ZCCHC4: variants seen among roughly 807,000 people sequenced by gnomAD.
ZCCHC4 encodes rRNA N(6)-adenosine-methyltransferase ZCCHC4.
ZCCHC4 carries 54 observed loss-of-function variants against 67.7 expected under a neutral mutation model. That is an observed-to-expected ratio of 0.80 (90% CI 0.64 to 1.00). ZCCHC4 has a LOEUF of 1.00. Among genes scored for constraint, ZCCHC4 ranks in the 50% least tolerant of loss-of-function variants. The pLI, the probability that ZCCHC4 is intolerant of heterozygous loss-of-function variation, is 0.00. For missense variants in ZCCHC4, 609 were observed against 617.0 expected (o/e 0.99, Z 0.14); for synonymous variants, 198 against 213.5 (o/e 0.93, Z 0.63).
chr4:25,323,362 G>A (rs1718682129), intron 3 of ZCCHC4, among the ~76,000 whole-genome samples: 1 of 151,612 alleles, frequency 6.6e-6, no homozygotes, highest in Non-Finnish European at 1.5e-5. Flanking sequence ...ATTTGGTACT[G>A]CAGCAACTTC....
chr4:25,369,362 G>T lies in ZCCHC4; in HGVS notation c.*198G>T. The T allele has an allele frequency of 3.4e-6, 2 of 594,052 alleles. No homozygotes were observed. The highest frequency in any genetic ancestry group is 5.7e-6 in the Non-Finnish European group (2 of 352,090). The allele number at this position is 594,052 out of a possible 1,614,324, so 36.8% of individuals were successfully genotyped here. On this transcript the variant is annotated 3_prime_UTR_variant, in exon 13 of 13. Transcript: ENST00000302874. The stretch of plus-strand genomic sequence containing the variant: ...GACATGGGGAGTTGTTCCATCTTCA[G>T]CCAGTTTACTAGTTCTTTCAGCATT...
At chr4:25,360,579 G>A (rs1288045494) in intron 8 of ZCCHC4, among the ~76,000 whole-genome samples, 1 of 152,212 alleles carries the variant, frequency 6.6e-6, no homozygotes, top group Non-Finnish European at 1.5e-5. Flanking sequence ...TGTGTTCATG[G>A]ATAACAATCC....
Position 25,362,242 on chromosome 4 carries a change from C to T in ZCCHC4, c.1150C>T (p.Gln384Ter), listed in dbSNP as rs1484713956. The change falls in exon 10 of 13, where the codon CAA (glutamine) becomes TAA (stop). Residue 384 changes from glutamine to a stop codon, truncating the protein, a stop_gained. Coordinates refer to ENST00000302874, the MANE Select transcript of ZCCHC4 (RefSeq NM_024936.3). LOFTEE classifies it high-confidence loss of function. ...EEGYRFCSPC[Q>*]RYVSLENQHC... ...TTACTCTAGATTTTGCTCTCCGTGT[C>T]AACGGTATGTTTCTCTAGAGAATCA... 8.7e-6 allele frequency: 14 copies of T among 1,611,206 alleles called. No individual in the cohort carries two copies. In the African/African-American group the frequency reaches 1.2e-4, roughly 14 times the overall value.
chr4:25,313,384 AG>A (rs1317789669), intron 1 of ZCCHC4, among the ~76,000 whole-genome samples: 3 of 152,212 alleles, frequency 2.0e-5, no homozygotes, highest in Non-Finnish European at 4.4e-5. Flanking sequence ...TTTCACTGCA[AG>A]GGTAACCGCG....
At chr4:25,362,924 C>A (rs879345555) in intron 10 of ZCCHC4, among the ~76,000 whole-genome samples, 1 of 152,066 alleles carries the variant, frequency 6.6e-6, no homozygotes, top group Admixed American at 6.5e-5. Context: ...CCCTATGTCC[C>A]CTGCCCCGAC....
At position 25,333,221 on chromosome 4, in the gene ZCCHC4, A is replaced by G. The variant is rs747374677; in HGVS notation, c.368A>G (p.Lys123Arg). The change falls in exon 4 of 13, where the codon AAG becomes AGG. Residue 123 changes from lysine (K) to arginine (R), a missense_variant. Transcript: ENST00000302874. ...ATTGAGTTGCCCTTGACTCAGAGAA[A>G]GTTTTGTCAAACATGTCAGCAGTTG... The part of the protein sequence containing the change: ...KFIELPLTQR[K>R]FCQTCQQLLL... 105 of 1,614,014 alleles carry G rather than the reference A, an allele frequency of 6.5e-5. No homozygotes were observed. Among genetic ancestry groups the G allele is most frequent in the Non-Finnish European group, 8.3e-5 (98 of 1,179,998 alleles).
chr4:25,322,884 T>C (rs1458671254), intron 3 of ZCCHC4, among the ~76,000 whole-genome samples: 1 of 152,138 alleles, frequency 6.6e-6, no homozygotes, highest in Non-Finnish European at 1.5e-5. Context: ...AAAAAATCTA[T>C]ATATGGTAGT....
intron 8 of ZCCHC4, among the ~76,000 whole-genome samples, chr4:25,354,718 G>A (rs1267640131): frequency 2.0e-5 from 3 of 151,402 alleles, no homozygotes; most frequent in Non-Finnish European, 4.4e-5. Flanking sequence ...GGCTGGTCTC[G>A]AACTCCTGGG....
At chr4:25,335,399 G>A (rs1209634647) in intron 5 of ZCCHC4, among the ~76,000 whole-genome samples, 1 of 152,146 alleles carries the variant, frequency 6.6e-6, no homozygotes, top group African/African-American at 2.4e-5. Flanking sequence ...AGTGAGCTGA[G>A]TTCACGTAAC....
At chr4:25,345,427 T>A (rs1248064865) in intron 5 of ZCCHC4, 121 bp from the exon 6 acceptor site, 8 of 669,184 alleles carry the variant, frequency 1.2e-5, no homozygotes, top group East Asian at 2.9e-5. Flanking sequence ...AATTATTCTT[T>A]ATTTCAAAAA....
intron 12 of ZCCHC4, chr4:25,366,416 T>C (rs1037485794): frequency 3.3e-5 from 12 of 367,636 alleles, no homozygotes; most frequent in East Asian, 1.7e-4. Context: ...CCCGGGTTCA[T>C]GCCATTCTCC....
intron 2 of ZCCHC4, 108 bp downstream of exon 2, chr4:25,314,272 CT>C: frequency 1.5e-6 from 1 of 687,012 alleles, no homozygotes; most frequent in Non-Finnish European, 2.5e-6. Flanking sequence ...CAAGATAAAT[CT>C]CTTAAGAGAG....
Position 25,364,434 on chromosome 4 carries a change from A to T in ZCCHC4, c.1210-20A>T. On this transcript the variant is annotated intron_variant, in intron 10 of 12. Coordinates refer to ENST00000302874, the MANE Select transcript of ZCCHC4 (RefSeq NM_024936.3). ...ATAACAAATTAATTATAATTTAAAA[A>T]TTGTTTTTTTTTTTGGTAGGATGGC... is the stretch of plus-strand genomic sequence containing the variant. The T allele has an allele frequency of 6.8e-7, 1 of 1,479,544 alleles. No individual in the cohort carries two copies. The highest frequency in any genetic ancestry group is 9.0e-7 in the Non-Finnish European group (1 of 1,108,246). The allele number at this position is 1,479,544 out of a possible 1,614,324, so 91.7% of individuals were successfully genotyped here.
chr4:25,320,230 A>G (rs1718506515), intron 3 of ZCCHC4, among the ~76,000 whole-genome samples: 1 of 151,580 alleles, frequency 6.6e-6, no homozygotes, highest in Admixed American at 6.6e-5. Flanking sequence ...GAAATGTGTT[A>G]TTATGTTTGT....
chr4:25,351,794 A>C, intron 8 of ZCCHC4, 105 bp downstream of exon 8: 4 of 1,105,538 alleles, frequency 3.6e-6, no homozygotes, highest in Non-Finnish European at 5.1e-6. Flanking sequence ...GAGCTGTATT[A>C]AACACTAATA....
At chr4:25,351,396 T>C (rs898984288) in intron 7 of ZCCHC4, among the ~76,000 whole-genome samples, 193 bp from the exon 8 acceptor site, 2 of 152,350 alleles carry the variant, frequency 1.3e-5, no homozygotes, top group East Asian at 3.9e-4. Flanking sequence ...TATTTCGATA[T>C]AAAGGAATAT....
At chr4:25,355,464 T>G (rs1451340177) in intron 8 of ZCCHC4, among the ~76,000 whole-genome samples, 1 of 152,132 alleles carries the variant, frequency 6.6e-6, no homozygotes, top group Non-Finnish European at 1.5e-5. Flanking sequence ...AGTGGTGGTG[T>G]TCATGTCCTG....
rs945336173 is a variant in ZCCHC4 at position 25,328,762 on chromosome 4, T to C, written c.330-4421T>C. On this transcript the variant is annotated intron_variant, in intron 3 of 12. Transcript: ENST00000302874. ...ACACCTGGGTAATTTTTGTATTTTT[T>C]TGTAGAGACAGGGTCTTGCCATGTT... Among the ~76,000 whole-genome samples, 6 of 151,762 alleles carry C rather than the reference T, an allele frequency of 4.0e-5. No individual in the cohort carries two copies. The East Asian group carries it at 5.9e-4, about 15-fold the overall frequency.
At chr4:25,358,882 CAGAG>C (rs1210054313) in intron 8 of ZCCHC4, among the ~76,000 whole-genome samples, 1 of 152,216 alleles carries the variant, frequency 6.6e-6, no homozygotes, top group Non-Finnish European at 1.5e-5. Context: ...CACTTGCACC[CAGAG>C]AGAGAGTAAA....
Sources: allele counts gnomAD v4.1 joint callset (sites outside exome capture counted in the v4.1 genomes callset), GRCh38; gene constraint gnomAD v4.1.1; transcripts MANE v1.5; gene names NCBI Gene and HGNC (gene_info 2026-07-23, HGNC 2026-07-21).